ARHGEF10: variants seen among roughly 807,000 people sequenced by gnomAD.
ARHGEF10 encodes the protein Rho guanine nucleotide exchange factor 10, also known as Rho guanine nucleotide exchange factor (GEF) 10.
A neutral mutation model predicts 147.4 loss-of-function variants in ARHGEF10; 140 were observed. The ratio of observed to expected loss-of-function variants is 0.95; its 90% confidence interval spans 0.83 to 1.09. ARHGEF10 has a LOEUF of 1.09. Among genes scored for constraint, ARHGEF10 ranks in the 50% least tolerant of loss-of-function variants. ARHGEF10 has a pLI of 0.00. For missense variants in ARHGEF10, 2,222 were observed against 1,752.7 expected (o/e 1.27, Z -4.78); for synonymous variants, 902 against 695.8 (o/e 1.30, Z -4.67).
intron 10 of ARHGEF10, 108 bp downstream of exon 10, chr8:1,882,857 C>T: frequency 5.3e-6 from 5 of 949,126 alleles, no homozygotes; most frequent in Non-Finnish European, 8.3e-6. Flanking sequence ...CTCCCACAGC[C>T]TTAGGGAGCA....
intron 26 of ARHGEF10, among the ~76,000 whole-genome samples, chr8:1,934,674 TCTC>T (rs1421020993): frequency 6.6e-6 from 1 of 152,138 alleles, no homozygotes; most frequent in Non-Finnish European, 1.5e-5. Flanking sequence ...ACCCCAGCCC[TCTC>T]CTCCTCTAAA....
intron 21 of ARHGEF10, among the ~76,000 whole-genome samples, chr8:1,924,381 C>T (rs943794834): frequency 6.6e-6 from 1 of 152,212 alleles, no homozygotes; most frequent in African/African-American, 2.4e-5. Context: ...TCCTATGTCT[C>T]TTCAGCCTTG....
At chr8:1,932,803 G>A (rs1243097567) in intron 25 of ARHGEF10, among the ~76,000 whole-genome samples, 3 of 152,220 alleles carry the variant, frequency 2.0e-5, no homozygotes, top group Non-Finnish European at 4.4e-5. Flanking sequence ...TTCAGTGCTT[G>A]AAATCCAGAA....
chr8:1,919,065 G>C (rs1284389721), intron 18 of ARHGEF10, among the ~76,000 whole-genome samples: 1 of 148,092 alleles, frequency 6.8e-6, no homozygotes, highest in African/African-American at 2.5e-5. Flanking sequence ...TCTGTAGAGT[G>C]ATAGAGCTGT....
At chr8:1,910,638 G>T (rs973632179) in intron 18 of ARHGEF10, among the ~76,000 whole-genome samples, 9 of 152,126 alleles carry the variant, frequency 5.9e-5, no homozygotes, top group African/African-American at 2.2e-4. Flanking sequence ...GGGACATGGG[G>T]ACAGAGAAAT....
intron 11 of ARHGEF10, among the ~76,000 whole-genome samples, chr8:1,889,779 TGGGGTG>T: frequency 7.5e-6 from 1 of 133,896 alleles, no homozygotes; most frequent in African/African-American, 3.1e-5. Flanking sequence ...AGACACTGAG[TGGGGTG>T]AGGGTTGTGA....
At chr8:1,894,953 C>T (rs1166336665) in intron 13 of ARHGEF10, among the ~76,000 whole-genome samples, 1 of 152,200 alleles carries the variant, frequency 6.6e-6, no homozygotes, top group East Asian at 1.9e-4. Flanking sequence ...CACACAGGTT[C>T]TCTTCCTGAT....
In ARHGEF10 at chr8:1,876,875, T is replaced by C. The variant is rs1434045906; in HGVS notation, c.843+141T>C. On this transcript the variant is annotated intron_variant, in intron 8 of 28. Coordinates refer to ENST00000349830, the MANE Select transcript of ARHGEF10 (RefSeq NM_014629.4). ...AGTAGTTTGGGGAAAGCATAAGATA[T>C]TGGCAAAGGAGAAGACGTGTCTTGT... 6.4e-6 allele frequency: 6 copies of C among 933,320 alleles called. No individual in the cohort carries two copies. The East Asian group carries it at 7.6e-5, about 12-fold the overall frequency. 57.8% of individuals were successfully genotyped at this position (933,320 alleles called of 1,614,324 possible). A position where few individuals can be genotyped will look rare whatever the true frequency, so the allele number is the denominator to read the frequency against.
At chr8:1,896,558 A>C (rs1809991653) in intron 14 of ARHGEF10, 109 bp downstream of exon 14, 8 of 828,614 alleles carry the variant, frequency 9.7e-6, no homozygotes, top group Non-Finnish European at 1.5e-5. Context: ...CAGTATCAAT[A>C]GTGCCCTAGA....
chr8:1,851,188 C>G (rs568396455), intron 2 of ARHGEF10, among the ~76,000 whole-genome samples: 5 of 135,578 alleles, frequency 3.7e-5, no homozygotes, highest in Admixed American at 1.4e-4. Flanking sequence ...TAGTTAGCGA[C>G]GTACCTCAAC....
intron 18 of ARHGEF10, among the ~76,000 whole-genome samples, chr8:1,919,744 T>TG (rs1812087108): frequency 6.9e-6 from 1 of 144,704 alleles, no homozygotes; most frequent in Non-Finnish European, 1.5e-5. Flanking sequence ...CTGTGGGTGA[T>TG]AAACTGTTCT....
In ARHGEF10 at chr8:1,957,020, C is replaced by G; in HGVS notation, c.3792C>G (p.Ser1264Arg). ...TGTCCTCCTCATCTGGGTCCCTGAGCTTGTCTCACGGCTCCAGCTCTCTAG... is the reference window on the plus strand; with the variant it reads ...TGTCCTCCTCATCTGGGTCCCTGAGGTTGTCTCACGGCTCCAGCTCTCTAG... ...SDLSSSSGSL[S>R]LSHGSSSLEH... Residue 1264 changes from serine to arginine, a missense_variant, in exon 29 of 29, where the codon AGC becomes AGG. Ser to Arg is a moderately radical substitution (Grantham distance 110). Transcript: ENST00000349830. 6.2e-7 allele frequency: 1 copy of G among 1,614,040 alleles called. No homozygotes were observed. The highest frequency in any genetic ancestry group is 8.5e-7 in the Non-Finnish European group (1 of 1,180,028).
chr8:1,856,992 C>T (rs1805600958), intron 2 of ARHGEF10, among the ~76,000 whole-genome samples: 1 of 152,200 alleles, frequency 6.6e-6, no homozygotes. Flanking sequence ...TCCTAGCACG[C>T]CGTCTCTGCA....
intron 26 of ARHGEF10, 58 bp downstream of exon 26, chr8:1,934,000 C>G (rs1457317142): frequency 1.2e-6 from 2 of 1,610,448 alleles, no homozygotes; most frequent in African/African-American, 2.7e-5. Context: ...AACAGCTCAG[C>G]TGACTTCTGG....
In ARHGEF10 at chr8:1,838,809, C is replaced by T. The variant is rs115528211; in HGVS notation, c.-47-4544C>T. 5.6e-3 allele frequency among the ~76,000 whole-genome samples: 847 copies of T among 151,296 alleles called. 10 individuals carry two copies. Among genetic ancestry groups the T allele is most frequent in the African/African-American group, 0.019 (775 of 41,094 alleles). Reference sequence around the variant, plus strand: ...GACATCCAGCTTGGAAGCTGTCTGGCGTGGATGCCGTCCAGTGTGGTTGCT... The same window carrying T: ...GACATCCAGCTTGGAAGCTGTCTGGTGTGGATGCCGTCCAGTGTGGTTGCT... On this transcript the variant is annotated intron_variant, in intron 1 of 28. Coordinates refer to ENST00000349830, the MANE Select transcript of ARHGEF10 (RefSeq NM_014629.4).
At chr8:1,894,331 C>T (rs1809793248) in intron 12 of ARHGEF10, 62 bp from the exon 13 acceptor site, 1 of 1,590,072 alleles carries the variant, frequency 6.3e-7, no homozygotes, top group Admixed American at 1.7e-5. Context: ...CCCTGGACAA[C>T]AAAACAAGAC....
At chr8:1,950,449 G>A (rs915976128) in intron 27 of ARHGEF10, among the ~76,000 whole-genome samples, 27 of 152,294 alleles carry the variant, frequency 1.8e-4, no homozygotes, top group African/African-American at 5.5e-4. Flanking sequence ...ACTCTTTTAC[G>A]TCGTTCCTGG....
At chr8:1,952,584 C>A (rs1815142744) in intron 27 of ARHGEF10, 121 bp from the exon 28 acceptor site, 3 of 1,367,326 alleles carry the variant, frequency 2.2e-6, no homozygotes, top group Admixed American at 1.8e-5. Flanking sequence ...TGTGCCACAT[C>A]CTGCCCCTGG....
At chr8:1,923,417 G>A (rs750810587) in intron 19 of ARHGEF10, 51 bp from the exon 20 acceptor site, 1 of 1,612,414 alleles carries the variant, frequency 6.2e-7, no homozygotes, top group South Asian at 1.1e-5. Flanking sequence ...TCCTTGGGAT[G>A]GCCCTAGTTT....
Sources: gnomAD v4.1 joint callset for allele counts (sites outside exome capture counted in the v4.1 genomes callset) on GRCh38, gnomAD v4.1.1 for gene constraint, MANE v1.5 for transcripts, NCBI Gene and HGNC (gene_info 2026-07-23, HGNC 2026-07-21) for gene names.